ATP8A2: variants seen among roughly 807,000 people sequenced by gnomAD.
ATP8A2 encodes the protein ATPase phospholipid transporting 8A2.
ATP8A2 carries 100 observed loss-of-function variants against 165.6 expected under a neutral mutation model. That is an observed-to-expected ratio of 0.60 (90% confidence interval 0.51 to 0.71). The LOEUF (loss-of-function observed/expected upper bound fraction) is 0.71, where lower values mean the gene tolerates loss of function less well. Ranked by LOEUF, ATP8A2 falls within the 30% of genes least tolerant of loss-of-function variation. The pLI is 0.00. For missense variants in ATP8A2, 1,227 were observed against 1,479.5 expected (o/e 0.83, Z 2.80); for synonymous variants, 543 against 548.8 (o/e 0.99, Z 0.15).
At chr13:25,907,866 A>G (rs1953989507) in intron 33 of ATP8A2, among the ~76,000 whole-genome samples, 1 of 152,120 alleles carries the variant, frequency 6.6e-6, no homozygotes, top group Non-Finnish European at 1.5e-5. Context: ...GTAAAAAGAG[A>G]TTTTCTTAGA....
At chr13:25,417,216 C>T (rs2032874890) in intron 1 of ATP8A2, among the ~76,000 whole-genome samples, 1 of 152,090 alleles carries the variant, frequency 6.6e-6, no homozygotes, top group Admixed American at 6.5e-5. Context: ...TAGTTTCCCC[C>T]AGTTTAGGCT....
intron 1 of ATP8A2, among the ~76,000 whole-genome samples, chr13:25,389,301 T>C (rs1013781191): frequency 6.6e-6 from 1 of 152,212 alleles, no homozygotes; most frequent in Non-Finnish European, 1.5e-5. Flanking sequence ...TCTGTCATAT[T>C]TTCCCCCCTA....
chr13:25,475,297 A>G lies in ATP8A2; in HGVS notation c.221+6176A>G, dbSNP rs141028942. Among the ~76,000 whole-genome samples, 73 of 152,252 alleles carry G rather than the reference A, an allele frequency of 4.8e-4. No individual in the cohort carries two copies. In the East Asian group the frequency reaches 0.013, roughly 27 times the overall value. On this transcript the variant is annotated intron_variant, in intron 2 of 36. Transcript: ENST00000381655. ...TTTGATTTTCTGTTCCTGTGTTAGT[A>G]TGCTAAGGATAATGGTCTCCCCCTC...
At chr13:25,782,429 A>G (rs1177515078) in intron 27 of ATP8A2, among the ~76,000 whole-genome samples, 1 of 152,198 alleles carries the variant, frequency 6.6e-6, no homozygotes, top group Non-Finnish European at 1.5e-5. Context: ...CACCTACTCC[A>G]AGGCAGGCAG....
At chr13:25,961,423 C>A (rs1243226762) in intron 33 of ATP8A2, 152 bp from the exon 34 acceptor site, 5 of 611,466 alleles carry the variant, frequency 8.2e-6, no homozygotes, top group African/African-American at 1.9e-5. Context: ...CATCCGTCCC[C>A]CTGATGGTCC....
At chr13:25,619,709 G>A (rs182982457) in intron 24 of ATP8A2, among the ~76,000 whole-genome samples, 2 of 152,330 alleles carry the variant, frequency 1.3e-5, no homozygotes, top group South Asian at 4.1e-4. Flanking sequence ...AAGAATTAGG[G>A]AAGTAGTAGG....
intron 30 of ATP8A2, among the ~76,000 whole-genome samples, chr13:25,848,561 A>G (rs746109774): frequency 2.6e-5 from 4 of 152,212 alleles, no homozygotes; most frequent in Non-Finnish European, 4.4e-5. Flanking sequence ...TTTTTAGTAA[A>G]CAAAAGTGAA....
At chr13:25,560,212 G>C (rs369016123) in intron 15 of ATP8A2, among the ~76,000 whole-genome samples, 16 of 152,176 alleles carry the variant, frequency 1.1e-4, no homozygotes, top group African/African-American at 3.9e-4. Context: ...AAGAAAACCA[G>C]ATAAAATTTA....
At chr13:25,548,839 C>A (rs1408971945) in intron 10 of ATP8A2, among the ~76,000 whole-genome samples, 1 of 152,250 alleles carries the variant, frequency 6.6e-6, no homozygotes, top group African/African-American at 2.4e-5. Context: ...CCCAACTCCT[C>A]TGCCCCCAAA....
At chr13:25,551,589 C>T in intron 11 of ATP8A2, 86 bp downstream of exon 11, 1 of 1,317,984 alleles carries the variant, frequency 7.6e-7, no homozygotes, top group Non-Finnish European at 1.1e-6. Flanking sequence ...TGTGGTGTCC[C>T]TGCTGTCCTT....
At chr13:25,566,760 A>G (rs181139938) in intron 16 of ATP8A2, among the ~76,000 whole-genome samples, 61 of 152,350 alleles carry the variant, frequency 4.0e-4, no homozygotes, top group African/African-American at 1.4e-3. Flanking sequence ...CTATTTAAGG[A>G]CATCATTTAT....
intron 24 of ATP8A2, among the ~76,000 whole-genome samples, chr13:25,654,719 T>C (rs1461745911): frequency 6.6e-6 from 1 of 152,176 alleles, no homozygotes; most frequent in Non-Finnish European, 1.5e-5. Flanking sequence ...TAGAAGGTCA[T>C]CTCCCTTTAT....
rs1397321817 is a variant in ATP8A2, at chr13:25,465,677, TTCTTTC to T, written c.77-3298_77-3293del. ...ATCTTGCAGAGTTTTCTTTCTTTCT[TTCTTTC>T]TTTCTTTCTTTCTTTCTTTCTTTCT... On this transcript the variant is annotated intron_variant, in intron 1 of 36. Coordinates refer to ENST00000381655, the MANE Select transcript of ATP8A2 (RefSeq NM_016529.6). Among the ~76,000 whole-genome samples the T allele has an allele frequency of 8.2e-3, 68 of 8,292 alleles. 2 individuals are homozygous for T. The highest frequency in any genetic ancestry group is 0.014 in the African/African-American group (67 of 4,834). 5.4% of individuals were successfully genotyped at this position (8,292 alleles called of 152,430 possible). A position where few individuals can be genotyped will look rare whatever the true frequency, so the allele number is the denominator to read the frequency against.
At chr13:25,448,721 C>T (rs1426769093) in intron 1 of ATP8A2, among the ~76,000 whole-genome samples, 1 of 152,190 alleles carries the variant, frequency 6.6e-6, no homozygotes, top group Non-Finnish European at 1.5e-5. Flanking sequence ...ATGATCTTGG[C>T]TCACTGCCAC....
chr13:25,996,168 G>A (rs1956498583), intron 35 of ATP8A2, among the ~76,000 whole-genome samples: 1 of 151,962 alleles, frequency 6.6e-6, no homozygotes, highest in Non-Finnish European at 1.5e-5. Context: ...CATTATATTT[G>A]AAGCTAGCTT....
chr13:25,600,559 T>A (rs1251400445), intron 24 of ATP8A2, among the ~76,000 whole-genome samples: 1 of 152,108 alleles, frequency 6.6e-6, no homozygotes, highest in Non-Finnish European at 1.5e-5. Flanking sequence ...AGGCTTCAGG[T>A]CCATGCCCTG....
chr13:25,960,292 T>C (rs1160834150), intron 33 of ATP8A2, among the ~76,000 whole-genome samples: 4 of 152,178 alleles, frequency 2.6e-5, no homozygotes, highest in Non-Finnish European at 5.9e-5. Context: ...GTGGGTTGAC[T>C]CTTGGATGCC....
At chr13:25,486,546 A>G (rs1450703182) in intron 2 of ATP8A2, among the ~76,000 whole-genome samples, 2 of 152,034 alleles carry the variant, frequency 1.3e-5, no homozygotes, top group African/African-American at 4.8e-5. Context: ...AAAAAAATGA[A>G]GAGAGTCTGA....
At chr13:26,012,439 TC>T in intron 35 of ATP8A2, 91 bp from the exon 36 acceptor site, 1 of 997,738 alleles carries the variant, frequency 1.0e-6, no homozygotes, top group Non-Finnish European at 1.5e-6. Flanking sequence ...GGGGAGGTGA[TC>T]CCCCACCTCA....
Sources: allele counts gnomAD v4.1 joint callset (sites outside exome capture counted in the v4.1 genomes callset), GRCh38; gene constraint gnomAD v4.1.1; transcripts MANE v1.5; gene names NCBI Gene and HGNC (gene_info 2026-07-23, HGNC 2026-07-21).